The following TNXB variants were observed in gnomAD, a reference collection of about 807,000 sequenced individuals.
The protein encoded by TNXB is tenascin XB.
Under a neutral mutation model 340.5 loss-of-function variants are expected in TNXB, and 183 were observed. That is an observed-to-expected ratio of 0.54 (90% CI 0.48 to 0.61). TNXB has a LOEUF of 0.61. TNXB is among the 20% of genes least tolerant of loss of function. The pLI is 0.00. For missense variants in TNXB, 4,613 were observed against 5,446.4 expected (o/e 0.85, Z 4.82); for synonymous variants, 2,121 against 2,314.5 (o/e 0.92, Z 2.40).
At position 32,083,321 on chromosome 6, in the gene TNXB, C is replaced by G. The variant is rs1021988864; in HGVS notation, c.3446-995G>C. The stretch of plus-strand genomic sequence containing the variant: ...GGTTCCAGTGGCCCTGTCTCTTCCC[C>G]AACCCCACACGACTACTCTGGTGCC... On this transcript the variant is annotated intron_variant, in intron 8 of 43. Coordinates refer to ENST00000644971, the MANE Select transcript of TNXB (RefSeq NM_001365276.2). This position sits in a 1 kb window ranked among gnomAD's most constrained non-coding sequence, Gnocchi z 4.6. Among the ~76,000 whole-genome samples, 2 of 152,078 alleles carry G rather than the reference C, an allele frequency of 1.3e-5. No individual in the cohort carries two copies. The highest frequency in any genetic ancestry group is 6.6e-5 in the Admixed American group (1 of 15,266).
chr6:32,069,174 T>G lies in TNXB; in HGVS notation c.5588-38A>C. 3 of 1,564,280 alleles carry G rather than the reference T, an allele frequency of 1.9e-6. No individual in the cohort carries two copies. The highest frequency in any genetic ancestry group is 2.6e-6 in the Non-Finnish European group (3 of 1,157,068). The stretch of plus-strand genomic sequence containing the variant: ...GACAGGTAGAGACAGATGGCTGGTG[T>G]GTCGCTGCACCCAGACTCTCAGGAG... On this transcript the variant is annotated intron_variant, in intron 15 of 43. Transcript: ENST00000644971. This position sits in a 1 kb window ranked among gnomAD's most constrained non-coding sequence, Gnocchi z 6.2.
rs757484516 is a variant in TNXB, at chr6:32,097,957, G to C, written c.242C>G (p.Pro81Arg). 1.1e-5 allele frequency: 18 copies of C among 1,601,508 alleles called. No individual in the cohort carries two copies. Among genetic ancestry groups the C allele is most frequent in the Non-Finnish European group, 8.5e-6 (10 of 1,173,696 alleles). Residue 81 changes from proline to arginine, a missense_variant, in exon 2 of 44, where the codon CCT becomes CGT. Transcript: ENST00000644971. The surrounding 1 kb of genome is among the most constrained non-coding windows in gnomAD (Gnocchi z 5.9). ...TGGGGGACAGCCACAGCCAGTGGAAGGGGGCAGGTTAATGCGGTGGGTGAA... is the reference window on the plus strand; with the variant it reads ...TGGGGGACAGCCACAGCCAGTGGAACGGGGCAGGTTAATGCGGTGGGTGAA... ...VVFTHRINLPPSTGCGCPPGT... is the reference protein window; with the variant it reads ...VVFTHRINLPRSTGCGCPPGT...
chr6:32,089,016 C>T lies in TNXB; in HGVS notation c.2548G>A (p.Ala850Thr). ...IDGPQDLRVV[A>T]VTPTTLELGW... ...AGCTCCAGTGTTGTCGGTGTCACAG[C>T]CACCACTCGGAGGTCCTGGGGCCCA... is the stretch of plus-strand genomic sequence containing the variant. The change falls in exon 6 of 44, where the codon GCT (alanine) becomes ACT (threonine). Residue 850 changes from alanine (A) to threonine (T), a missense_variant. Transcript: ENST00000644971. The surrounding 1 kb of genome is among the most constrained non-coding windows in gnomAD (Gnocchi z 6.2). 6.2e-7 allele frequency: 1 copy of T among 1,610,950 alleles called. No homozygotes were observed. The highest frequency in any genetic ancestry group is 8.5e-7 in the Non-Finnish European group (1 of 1,178,906).
rs1017442075 is a variant in TNXB at position 32,102,543 on chromosome 6, A to C, written c.-8-4337T>G. ...ACACACAGAAAGAGAATGCTCTTAT[A>C]CTCTTATATACCCTTCCTGAGCTAC... On this transcript the variant is annotated intron_variant, in intron 1 of 43. Transcript: ENST00000644971. Among the ~76,000 whole-genome samples the C allele has an allele frequency of 3.9e-5, 6 of 152,076 alleles. No homozygotes were observed. In the East Asian group the frequency reaches 9.7e-4, roughly 25 times the overall value.
Position 32,069,952 on chromosome 6 carries a change from G to T in TNXB, c.5279-91C>A. 7.2e-7 allele frequency: 1 copy of T among 1,398,088 alleles called. No individual in the cohort carries two copies. Among genetic ancestry groups the T allele is most frequent in the East Asian group, 2.4e-5 (1 of 41,138 alleles). The allele number at this position is 1,398,088 out of a possible 1,614,324, so 86.6% of individuals were successfully genotyped here. ...CAGGATTGAGAGGTCTGGAGACAGG[G>T]CTTTGCGTGGCTGAGTCCTGCCGGG... On this transcript the variant is annotated intron_variant, in intron 14 of 43. Coordinates refer to ENST00000644971, the MANE Select transcript of TNXB (RefSeq NM_001365276.2). The surrounding 1 kb of genome is among the most constrained non-coding windows in gnomAD (Gnocchi z 6.2).
rs772965421 is a variant in TNXB, at chr6:32,084,596, C to T, written c.3262G>A (p.Glu1088Lys). 13 of 1,608,490 alleles carry T rather than the reference C, an allele frequency of 8.1e-6. No homozygotes were observed. The East Asian group carries it at 1.6e-4, about 19-fold the overall frequency. ...TACTGGATCACGAAGGAGTCAAACT[C>T]GCCCTCGGGGACCGTCCAGCGCAGG... Reference protein sequence around the residue: ...LLLRWTVPEGEFDSFVIQYKD... With the variant: ...LLLRWTVPEGKFDSFVIQYKD... Residue 1088 changes from glutamate (E) to lysine (K), a missense_variant, in exon 8 of 44, where the codon GAG (glutamate) becomes AAG (lysine). Glu to Lys is a moderately conservative substitution (Grantham distance 56, BLOSUM62 1). Around this residue, in one of 7 missense-constraint regions of TNXB, gnomAD observed 4,327 missense variants for 4,859.4 expected, o/e 0.89. Coordinates refer to ENST00000644971, the MANE Select transcript of TNXB (RefSeq NM_001365276.2). The surrounding 1 kb of genome is among the most constrained non-coding windows in gnomAD (Gnocchi z 5.5).
chr6:32,084,252 C>G lies in TNXB; in HGVS notation c.3445+161G>C, dbSNP rs1318541952. The stretch of plus-strand genomic sequence containing the variant: ...CTCCCTCAGGCTGCACTGAGCTTCT[C>G]AAACTCTTTGCCTGCCCCACCACTA... On this transcript the variant is annotated intron_variant, in intron 8 of 43. Transcript: ENST00000644971. The surrounding 1 kb of genome is among the most constrained non-coding windows in gnomAD (Gnocchi z 5.5). Among the ~76,000 whole-genome samples the G allele has an allele frequency of 6.6e-6, 1 of 152,208 alleles. No individual in the cohort carries two copies. Among genetic ancestry groups the G allele is most frequent in the Non-Finnish European group, 1.5e-5 (1 of 68,034 alleles).
At chr6:32,066,419 CAAT>C (rs1778342961) in intron 18 of TNXB, among the ~76,000 whole-genome samples, 1 of 152,128 alleles carries the variant, frequency 6.6e-6, no homozygotes, top group Non-Finnish European at 1.5e-5. Flanking sequence ...ATCAATCAAT[CAAT>C]CAATCAATAG....
intron 1 of TNXB, among the ~76,000 whole-genome samples, chr6:32,103,818 C>A (rs940646727): frequency 6.6e-6 from 1 of 150,612 alleles, no homozygotes; most frequent in Non-Finnish European, 1.5e-5. Context: ...GCAACCTCTG[C>A]CTCCTGGGGT....
chr6:32,057,968 A>G lies in TNXB; in HGVS notation c.7825+90T>C, dbSNP rs190219725. The G allele has an allele frequency of 2.6e-4, 367 of 1,423,566 alleles. 3 individuals carry two copies. Among genetic ancestry groups the G allele is most frequent in the African/African-American group, 2.3e-3 (163 of 70,036 alleles). 88.2% of individuals were successfully genotyped at this position (1,423,566 alleles called of 1,614,324 possible). ...CTATATTCCTTTCACTGTGAGCCCCATCAAGACAGAAATATGTATAGGAAA... is the reference window on the plus strand; with the variant it reads ...CTATATTCCTTTCACTGTGAGCCCCGTCAAGACAGAAATATGTATAGGAAA... On this transcript the variant is annotated intron_variant, in intron 22 of 43. Coordinates refer to ENST00000644971, the MANE Select transcript of TNXB (RefSeq NM_001365276.2).
chr6:32,078,135 A>AAAG (rs1562845439), intron 11 of TNXB, among the ~76,000 whole-genome samples: 48 of 138,816 alleles, frequency 3.5e-4, no homozygotes, highest in Middle Eastern at 3.7e-3. Context: ...AAGAAAGAAA[A>AAAG]AGAGAGAAAG....
In TNXB at chr6:32,061,419, C is replaced by T. The variant is rs762352900; in HGVS notation, c.7470G>A (p.Pro2490=). The T allele has an allele frequency of 3.0e-5, 48 of 1,612,648 alleles. No homozygotes were observed. The East Asian group carries it at 5.1e-4, about 17-fold the overall frequency. ...CACCAGTCACGCCCACGGTGGACAC[C>T]GGGCCCACGCGCCGCCCCTCGTGGA... The part of the protein sequence containing the change: ...YGLHEGRRVG[P]VSTVGVTAPQ... Residue 2490 remains proline (P), a synonymous_variant, in exon 21 of 44, where the codon CCG becomes CCA. Transcript: ENST00000644971. This position sits in a 1 kb window ranked among gnomAD's most constrained non-coding sequence, Gnocchi z 4.4.
chr6:32,097,433 C>T lies in TNXB; in HGVS notation c.420G>A (p.Arg140=), dbSNP rs1008806509. ...ACACACCATGGAGACTGCAGAGGGT[C>T]CGCACATCTGTCTGACCTGGAGTAG... ...AQAGTGQTDV[R]TLCSLHGVFD... Residue 140 remains arginine (R), a synonymous_variant, in exon 3 of 44, where the codon CGG becomes CGA. Transcript: ENST00000644971. This position sits in a 1 kb window ranked among gnomAD's most constrained non-coding sequence, Gnocchi z 5.9. 1.9e-6 allele frequency: 3 copies of T among 1,597,758 alleles called. No homozygotes were observed. The highest frequency in any genetic ancestry group is 1.1e-5 in the South Asian group (1 of 90,890).
chr6:32,072,396 T>A lies in TNXB; in HGVS notation c.4682-98A>T. ...GGGGGCTGTGAACTGAGATGGGGAATAGTTACACCTTTACTTCCAGACCTC... is the reference window on the plus strand; with the variant it reads ...GGGGGCTGTGAACTGAGATGGGGAAAAGTTACACCTTTACTTCCAGACCTC... On this transcript the variant is annotated intron_variant, in intron 12 of 43. Transcript: ENST00000644971. The surrounding 1 kb of genome is among the most constrained non-coding windows in gnomAD (Gnocchi z 4.4). The A allele has an allele frequency of 2.0e-6, 2 of 977,602 alleles. No individual in the cohort carries two copies. 60.6% of individuals were successfully genotyped at this position (977,602 alleles called of 1,614,324 possible).
intron 1 of TNXB, among the ~76,000 whole-genome samples, chr6:32,105,973 A>G (rs1386499528): frequency 6.6e-6 from 1 of 152,202 alleles, no homozygotes; most frequent in African/African-American, 2.4e-5. Flanking sequence ...CAGTAGTGTG[A>G]TGGATCTTAC....
In TNXB at chr6:32,072,273, T is replaced by G; in HGVS notation, c.4707A>C (p.Thr1569=). 6.2e-7 allele frequency: 1 copy of G among 1,603,824 alleles called. No individual in the cohort carries two copies. The highest frequency in any genetic ancestry group is 8.5e-7 in the Non-Finnish European group (1 of 1,174,208). Residue 1569 remains threonine, a synonymous_variant, in exon 13 of 44, where the codon ACA becomes ACC. Coordinates refer to ENST00000644971, the MANE Select transcript of TNXB (RefSeq NM_001365276.2). The surrounding 1 kb of genome is among the most constrained non-coding windows in gnomAD (Gnocchi z 4.4). Reference sequence around the variant, plus strand: ...GCTCCAGGGGAGGCTTGGAGGCCTCTGTGGCTGGGGCTGGTGGGAGGGGAG... The same window carrying G: ...GCTCCAGGGGAGGCTTGGAGGCCTCGGTGGCTGGGGCTGGTGGGAGGGGAG... ...VTAPLPPAPA[T]EASKPPLEPR... is the part of the protein sequence containing the mutation.
chr6:32,064,388 T>C lies in TNXB; in HGVS notation c.6841+433A>G, dbSNP rs1293089147. On this transcript the variant is annotated intron_variant, in intron 19 of 43. Transcript: ENST00000644971. This position sits in a 1 kb window ranked among gnomAD's most constrained non-coding sequence, Gnocchi z 5.3. ...CCACCACACCCAGCTAATTTTTGTA[T>C]TTTTAGTAGAGATGGGGGTTTCATG... 2.0e-5 allele frequency among the ~76,000 whole-genome samples: 3 copies of C among 152,112 alleles called. No individual in the cohort carries two copies. Among genetic ancestry groups the C allele is most frequent in the Non-Finnish European group, 2.9e-5 (2 of 68,022 alleles).
Position 32,072,012 on chromosome 6 carries a change from T to C in TNXB, c.4968A>G (p.Pro1656=). The C allele has an allele frequency of 1.2e-6, 2 of 1,605,632 alleles. No homozygotes were observed. Among genetic ancestry groups the C allele is most frequent in the Non-Finnish European group, 1.7e-6 (2 of 1,175,520 alleles). ...FGIQDGKRRS[P]VSVEAKTVAR... is the part of the protein sequence containing the mutation. ...CACCCGTCTTTGCCTCCACAGAGAC[T>C]GGGCTGCGTCGTTTCCCATCCTGGA... Residue 1656 remains proline, a synonymous_variant, in exon 13 of 44, where the codon CCA becomes CCG. Transcript: ENST00000644971. This position sits in a 1 kb window ranked among gnomAD's most constrained non-coding sequence, Gnocchi z 4.4.
At position 32,082,255 on chromosome 6, in the gene TNXB, C is replaced by T. The variant is rs778873660; in HGVS notation, c.3517G>A (p.Asp1173Asn). Reference protein sequence around the residue: ...GNLWVTDPTPDSLHLSWTVPE... With the variant: ...GNLWVTDPTPNSLHLSWTVPE... ...ACAGTCCAGGAGAGGTGCAGTGAAT[C>T]TGGGGTAGGGTCTGTCACCCACAGG... is the stretch of plus-strand genomic sequence containing the variant. Residue 1173 changes from aspartate (D) to asparagine (N), a missense_variant, in exon 9 of 44, where the codon GAT (aspartate) becomes AAT (asparagine). Around this residue, in one of 7 missense-constraint regions of TNXB, gnomAD observed 4,327 missense variants for 4,859.4 expected, o/e 0.89. Coordinates refer to ENST00000644971, the MANE Select transcript of TNXB (RefSeq NM_001365276.2). The surrounding 1 kb of genome is among the most constrained non-coding windows in gnomAD (Gnocchi z 5.0). The T allele has an allele frequency of 5.6e-6, 9 of 1,608,274 alleles. No individual in the cohort carries two copies. The Admixed American group carries it at 8.3e-5, about 15-fold the overall frequency.
Sources: allele counts gnomAD v4.1 joint callset (sites outside exome capture counted in the v4.1 genomes callset), GRCh38; gene constraint gnomAD v4.1.1; regional missense constraint gnomAD v4.1.1; non-coding constraint Gnocchi (gnomAD v3.1); transcripts MANE v1.5; gene names NCBI Gene and HGNC (gene_info 2026-07-23, HGNC 2026-07-21).